MISP: variants seen among roughly 807,000 people sequenced by gnomAD.
MISP encodes the protein mitotic spindle positioning, also known as mitotic interactor and substrate of PLK1.
Under a neutral mutation model 49.3 loss-of-function variants are expected in MISP, and 51 were observed. The observed-to-expected ratio is 1.03, with a 90% CI of 0.83 to 1.31. MISP has a LOEUF of 1.31. Ranked by LOEUF, MISP falls within the 50% of genes most tolerant of loss-of-function variation. The pLI, the probability that MISP is intolerant of heterozygous loss-of-function variation, is 0.00. For missense variants in MISP, 1,084 were observed against 935.1 expected (o/e 1.16, Z -2.08); for synonymous variants, 444 against 392.6 (o/e 1.13, Z -1.55).
chr19:760,566 CCA>C (rs1247871391), intron 3 of MISP: 3 of 153,822 alleles, frequency 2.0e-5, no homozygotes, highest in African/African-American at 7.3e-5. Context: ...CGTGGTTTCA[CCA>C]TGTTAGCCAG....
chr19:756,843 C>T (rs1167977905), intron 1 of MISP, 47 bp from the exon 2 acceptor site: 10 of 973,874 alleles, frequency 1.0e-5, no homozygotes, highest in Non-Finnish European at 1.5e-5. Flanking sequence ...TGTTCCTCTC[C>T]CTAGGTGCTC....
chr19:761,964 T>C (rs1408120107), intron 4 of MISP, among the ~76,000 whole-genome samples: 1 of 152,124 alleles, frequency 6.6e-6, no homozygotes, highest in Non-Finnish European at 1.5e-5. Flanking sequence ...GTTTTTGTTT[T>C]TGAGACAGAG....
At chr19:759,367 C>T (rs1003160623) in intron 2 of MISP, among the ~76,000 whole-genome samples, 1 of 147,482 alleles carries the variant, frequency 6.8e-6, no homozygotes, top group Admixed American at 6.9e-5. Flanking sequence ...ACCTTTTTGA[C>T]AATATGAAAT....
chr19:749,441 G>T (rs1347143303), upstream of MISP, among the ~76,000 whole-genome samples: 1 of 147,212 alleles, frequency 6.8e-6, no homozygotes, highest in Non-Finnish European at 1.5e-5. Context: ...GCGGTGGGAG[G>T]CGCCGTGAGG....
At position 756,982 on chromosome 19, in the gene MISP, C is replaced by T. The variant is rs1352622735; in HGVS notation, c.36C>T (p.Ile12=). 6.3e-7 allele frequency: 1 copy of T among 1,590,970 alleles called. No individual in the cohort carries two copies. Among genetic ancestry groups the T allele is most frequent in the Admixed American group, 1.7e-5 (1 of 57,628 alleles). The change falls in exon 2 of 5, where the codon ATC becomes ATT. Residue 12 remains isoleucine (I), a synonymous_variant. Transcript: ENST00000215582. ...DRVTRYPILG[I]PQAHRGTGLV... is the part of the protein sequence containing the mutation. ...TGACCAGATACCCCATCCTGGGCAT[C>T]CCTCAGGCACACCGTGGCACCGGCC...
In MISP at chr19:758,080, C is replaced by G; in HGVS notation, c.1134C>G (p.Pro378=). 6.3e-7 allele frequency: 1 copy of G among 1,579,186 alleles called. No individual in the cohort carries two copies. Among genetic ancestry groups the G allele is most frequent in the Non-Finnish European group, 8.6e-7 (1 of 1,163,872 alleles). The change falls in exon 2 of 5, where the codon CCC becomes CCG. Residue 378 remains proline, a synonymous_variant. Transcript: ENST00000215582. The part of the protein sequence containing the change: ...EGLHVGRAST[P]DWVSEGPQPG... ...TGCACGTGGGCCGGGCGTCCACACC[C>G]GACTGGGTCTCGGAGGGTCCCCAGC... is the stretch of plus-strand genomic sequence containing the variant.
At chr19:756,296 G>A (rs918189855) in intron 1 of MISP, among the ~76,000 whole-genome samples, 16 of 152,336 alleles carry the variant, frequency 1.1e-4, no homozygotes, top group East Asian at 7.7e-4. Context: ...TGGCTAGACT[G>A]GGTCACATGC....
At chr19:751,198 GC>G (rs1268253307) in intron 1 of MISP, 27 bp downstream of exon 1, 1 of 152,408 alleles carries the variant, frequency 6.6e-6, no homozygotes, top group African/African-American at 2.4e-5. Flanking sequence ...CCCGGGCCGG[GC>G]CGGGCGGGGA....
intron 1 of MISP, among the ~76,000 whole-genome samples, chr19:752,193 G>A (rs996549184): frequency 6.6e-6 from 1 of 152,206 alleles, no homozygotes; most frequent in East Asian, 1.9e-4. Context: ...GTTGCAGGAA[G>A]AGTCTCAGGA....
At chr19:750,272 T>C (rs1475250180), upstream of MISP, among the ~76,000 whole-genome samples, 1 of 145,218 alleles carries the variant, frequency 6.9e-6, no homozygotes, top group Non-Finnish European at 1.5e-5. Context: ...TGATCTCGGC[T>C]CACTGCAACC....
upstream of MISP, among the ~76,000 whole-genome samples, chr19:750,620 T>G (rs1484960831): frequency 2.0e-5 from 3 of 151,942 alleles, no homozygotes; most frequent in Non-Finnish European, 4.4e-5. Context: ...AGAGGTCAGG[T>G]GGGATCAGAA....
At chr19:758,869 C>CTATT in intron 2 of MISP, 143 bp downstream of exon 2, 1 of 628,740 alleles carries the variant, frequency 1.6e-6, no homozygotes, top group Admixed American at 3.1e-5. Context: ...CCCTCAGTCG[C>CTATT]TGGTTTGTCT....
intron 4 of MISP, among the ~76,000 whole-genome samples, chr19:762,821 G>A (rs1228475329): frequency 1.3e-5 from 2 of 151,886 alleles, no homozygotes; most frequent in Non-Finnish European, 2.9e-5. Context: ...CACCCAGATA[G>A]TTTATTTTTA....
At position 758,672 on chromosome 19, in the gene MISP, C is replaced by G. The variant is rs775768404; in HGVS notation, c.1726C>G (p.Pro576Ala). 6 of 1,614,056 alleles carry G rather than the reference C, an allele frequency of 3.7e-6. No homozygotes were observed. Among genetic ancestry groups the G allele is most frequent in the East Asian group, 4.5e-5 (2 of 44,892 alleles). ...TGCTCTCTTCCCAGAGGTCTTCTCC[C>G]CAACGCCAGATGAGAACTCTGACCA... Reference protein sequence around the residue: ...RNALFPEVFSPTPDENSDQNS... With the variant: ...RNALFPEVFSATPDENSDQNS... Residue 576 changes from proline to alanine, a missense_variant, in exon 2 of 5, where the codon CCA (proline) becomes GCA (alanine). Transcript: ENST00000215582.
Position 758,667 on chromosome 19 carries a change from T to G in MISP, c.1721T>G (p.Phe574Cys). Residue 574 changes from phenylalanine to cysteine, a missense_variant, in exon 2 of 5, where the codon TTC becomes TGC. By Grantham distance (205) the Phe-to-Cys change is radical. Coordinates refer to ENST00000215582, the MANE Select transcript of MISP (RefSeq NM_173481.4). ...AGAAATGCTCTCTTCCCAGAGGTCT[T>G]CTCCCCAACGCCAGATGAGAACTCT... ...ERRNALFPEV[F>C]SPTPDENSDQ... 1 of 1,614,148 alleles carries G rather than the reference T, an allele frequency of 6.2e-7. No individual in the cohort carries two copies. The highest frequency in any genetic ancestry group is 8.5e-7 in the Non-Finnish European group (1 of 1,180,018).
Position 758,312 on chromosome 19 carries a change from A to C in MISP, c.1366A>C (p.Lys456Gln), listed in dbSNP as rs1020362782. Residue 456 changes from lysine to glutamine, a missense_variant, in exon 2 of 5, where the codon AAG (lysine) becomes CAG (glutamine). Lys to Gln is a moderately conservative substitution (Grantham distance 53). Coordinates refer to ENST00000215582, the MANE Select transcript of MISP (RefSeq NM_173481.4). ...KPSSLSTAEA[K>Q]AATSPKATMS... ...CAGCAGTCTCTCCACAGCGGAGGCC[A>C]AGGCTGCGACTTCACCAAAGGCCAC... 1 of 1,613,994 alleles carries C rather than the reference A, an allele frequency of 6.2e-7. No homozygotes were observed. Among genetic ancestry groups the C allele is most frequent in the Non-Finnish European group, 8.5e-7 (1 of 1,180,046 alleles).
rs763150985 is a variant in MISP, at chr19:758,673, C to T, written c.1727C>T (p.Pro576Leu). 2.5e-6 allele frequency: 4 copies of T among 1,614,082 alleles called. No homozygotes were observed. The highest frequency in any genetic ancestry group is 2.7e-5 in the African/African-American group (2 of 74,938). Residue 576 changes from proline (P) to leucine (L), a missense_variant, in exon 2 of 5, where the codon CCA becomes CTA. Physicochemically the swap from Pro to Leu is moderately conservative, Grantham distance 98. Coordinates refer to ENST00000215582, the MANE Select transcript of MISP (RefSeq NM_173481.4). Reference protein sequence around the residue: ...RNALFPEVFSPTPDENSDQNS... With the variant: ...RNALFPEVFSLTPDENSDQNS... ...GCTCTCTTCCCAGAGGTCTTCTCCC[C>T]AACGCCAGATGAGAACTCTGACCAG...
rs754022719 is a variant in MISP, at chr19:758,742, A to AG, written c.1780+19dup. ...CAGGCATCCGGTGAGAAGGGGCTCC[A>AG]GGGAGTGGCTGCTTGGCTCAGGGTC... is the stretch of plus-strand genomic sequence containing the variant. On this transcript the variant is annotated intron_variant, in intron 2 of 4. Coordinates refer to ENST00000215582, the MANE Select transcript of MISP (RefSeq NM_173481.4). 59 of 1,600,078 alleles carry AG rather than the reference A, an allele frequency of 3.7e-5. No homozygotes were observed. Among genetic ancestry groups the AG allele is most frequent in the Non-Finnish European group, 4.8e-5 (56 of 1,171,188 alleles).
In MISP at chr19:758,055, T is replaced by G; in HGVS notation, c.1109T>G (p.Leu370Arg). The part of the protein sequence containing the change: ...QREEDHRREG[L>R]HVGRASTPDW... ...GAGGAAGACCACCGGCGGGAGGGCC[T>G]GCACGTGGGCCGGGCGTCCACACCC... Residue 370 changes from leucine (L) to arginine (R), a missense_variant, in exon 2 of 5, where the codon CTG (leucine) becomes CGG (arginine). Transcript: ENST00000215582. 3 of 1,567,822 alleles carry G rather than the reference T, an allele frequency of 1.9e-6. No homozygotes were observed. Among genetic ancestry groups the G allele is most frequent in the Non-Finnish European group, 2.6e-6 (3 of 1,159,312 alleles).
Sources: gnomAD v4.1 joint callset for allele counts (sites outside exome capture counted in the v4.1 genomes callset) on GRCh38, gnomAD v4.1.1 for gene constraint, MANE v1.5 for transcripts, NCBI Gene and HGNC (gene_info 2026-07-23, HGNC 2026-07-21) for gene names.